KANK4: variants seen among roughly 807,000 people sequenced by gnomAD.
KANK4 encodes the protein KN motif and ankyrin repeat domain-containing protein 4.
In KANK4, 50 loss-of-function variants were observed where a neutral mutation model predicts 80.8. The ratio of observed to expected loss-of-function variants is 0.62; its 90% CI spans 0.49 to 0.78. The LOEUF is 0.78. Ranked by LOEUF, KANK4 falls within the 30% of genes least tolerant of loss-of-function variation. The pLI is 0.00. For missense variants in KANK4, 1,196 were observed against 1,240.1 expected (o/e 0.96, Z 0.53); for synonymous variants, 465 against 506.9 (o/e 0.92, Z 1.11).
At chr1:62,246,054 C>T (rs1671458467) in intron 9 of KANK4, among the ~76,000 whole-genome samples, 1 of 152,114 alleles carries the variant, frequency 6.6e-6, no homozygotes, top group Admixed American at 6.6e-5. Context: ...CCTCCGTCTC[C>T]TTGAGCAAAG....
chr1:62,309,317 T>C (rs1644479638), intron 1 of KANK4, among the ~76,000 whole-genome samples: 1 of 152,142 alleles, frequency 6.6e-6, no homozygotes, highest in African/African-American at 2.4e-5. Flanking sequence ...CCTAATACCA[T>C]CACATTGGGG....
At chr1:62,317,422 T>C (rs1378124242) in intron 1 of KANK4, among the ~76,000 whole-genome samples, 1 of 152,168 alleles carries the variant, frequency 6.6e-6, no homozygotes, top group African/African-American at 2.4e-5. Flanking sequence ...AAGGTGCTAT[T>C]GGTCTATCTC....
rs1307713837 is a variant in KANK4 at position 62,274,425 on chromosome 1, G to C, written c.679C>G (p.Leu227Val). ...GGAGGCTCAGCTCCCTCCTGGACCA[G>C]CTCTGGAATCCGAGTTGATGCTCGT... The part of the protein sequence containing the change: ...SPRASTRIPE[L>V]VQEGAEPPEG... The change falls in exon 3 of 10, where the codon CTG becomes GTG. Residue 227 changes from leucine to valine, a missense_variant. By Grantham distance (32) the Leu-to-Val change is conservative. Coordinates refer to ENST00000371153, the MANE Select transcript of KANK4 (RefSeq NM_181712.5). 1 of 1,614,228 alleles carries C rather than the reference G, an allele frequency of 6.2e-7. No homozygotes were observed. Among genetic ancestry groups the C allele is most frequent in the South Asian group, 1.1e-5 (1 of 91,088 alleles).
At chr1:62,238,501 G>A (rs1472304421) in intron 9 of KANK4, 120 bp from the exon 10 acceptor site, 2 of 729,672 alleles carry the variant, frequency 2.7e-6, no homozygotes, top group African/African-American at 3.5e-5. Context: ...AAGGCTTCCA[G>A]AGACCTCGGT....
intron 3 of KANK4, 57 bp downstream of exon 3, chr1:62,273,147 T>A (rs1200476630): frequency 9.7e-6 from 12 of 1,234,532 alleles, no homozygotes; most frequent in Admixed American, 4.9e-5. Context: ...CCCTCTGCCT[T>A]ATCATGTGAA....
Position 62,266,830 on chromosome 1 carries a change from CA to C in KANK4, c.2232-12del. On this transcript the variant is annotated splice_polypyrimidine_tract_variant and intron_variant, in intron 5 of 9. Transcript: ENST00000371153. ...TCTGAGGGTTTATATCTAAATAAAA[CA>C]AACATATATACACATATTTATATAA... The C allele has an allele frequency of 2.0e-6, 3 of 1,492,934 alleles. No homozygotes were observed. The highest frequency in any genetic ancestry group is 2.8e-6 in the Non-Finnish European group (3 of 1,070,974). 92.5% of individuals were successfully genotyped at this position (1,492,934 alleles called of 1,614,324 possible). A position where few individuals can be genotyped will look rare whatever the true frequency, so the allele number is the denominator to read the frequency against.
chr1:62,306,454 T>C (rs905170511), intron 1 of KANK4, among the ~76,000 whole-genome samples: 3 of 152,218 alleles, frequency 2.0e-5, no homozygotes, highest in African/African-American at 7.2e-5. Flanking sequence ...TATAAGAATA[T>C]GTAGTTACAT....
chr1:62,237,378 T>C lies in KANK4; in HGVS notation c.*899A>G, dbSNP rs1671230050. 6.6e-6 allele frequency: 1 copy of C among 152,122 alleles called. No individual in the cohort carries two copies. The highest frequency in any genetic ancestry group is 1.5e-5 in the Non-Finnish European group (1 of 68,026). 9.4% of individuals were successfully genotyped at this position (152,122 alleles called of 1,614,324 possible). ...GAGGGGAAAGCACCGGGAATTACCATGAGGTAATGGATACGGCTATGCAGG... is the reference window on the plus strand; with the variant it reads ...GAGGGGAAAGCACCGGGAATTACCACGAGGTAATGGATACGGCTATGCAGG... On this transcript the variant is annotated 3_prime_UTR_variant, in exon 10 of 10. Transcript: ENST00000371153.
At chr1:62,247,450 G>T in intron 9 of KANK4, 22 bp downstream of exon 9, 1 of 1,611,124 alleles carries the variant, frequency 6.2e-7, no homozygotes, top group Non-Finnish European at 8.5e-7. Flanking sequence ...ACAGCTACTT[G>T]TTAATTGCCT....
chr1:62,301,983 G>A (rs1010314310), intron 1 of KANK4, among the ~76,000 whole-genome samples: 1 of 152,042 alleles, frequency 6.6e-6, no homozygotes, highest in Non-Finnish European at 1.5e-5. Flanking sequence ...AGACAGTCAT[G>A]CATGGGGAAC....
chr1:62,250,548 G>A (rs1671589428), intron 8 of KANK4, among the ~76,000 whole-genome samples: 1 of 152,150 alleles, frequency 6.6e-6, no homozygotes, highest in Non-Finnish European at 1.5e-5. Context: ...TGAAGGCCCA[G>A]GGGGAGCTAA....
intron 2 of KANK4, among the ~76,000 whole-genome samples, chr1:62,276,305 C>T (rs568668490): frequency 1.3e-5 from 2 of 152,222 alleles, no homozygotes; most frequent in Non-Finnish European, 2.9e-5. Context: ...TGACATTATG[C>T]TAAACAGGCT....
chr1:62,254,545 A>C (rs1177392765), intron 7 of KANK4, among the ~76,000 whole-genome samples: 15 of 146,984 alleles, frequency 1.0e-4, no homozygotes, highest in Non-Finnish European at 1.8e-4. Flanking sequence ...CCCAGCCAAA[A>C]ACCTGGCATT....
chr1:62,286,737 T>C (rs1049542342), intron 1 of KANK4, among the ~76,000 whole-genome samples: 5 of 152,242 alleles, frequency 3.3e-5, no homozygotes, highest in Non-Finnish European at 5.9e-5. Context: ...TGGCTCCGCT[T>C]TAGAAACATC....
intron 9 of KANK4, among the ~76,000 whole-genome samples, chr1:62,245,617 T>C (rs764544906): frequency 1.3e-5 from 2 of 152,226 alleles, no homozygotes; most frequent in African/African-American, 2.4e-5. Context: ...CTTGAATCTC[T>C]GCTCTGCGAA....
chr1:62,272,795 T>TTTC (rs1321086237), intron 3 of KANK4: 1 of 149,244 alleles, frequency 6.7e-6, no homozygotes, highest in African/African-American at 2.5e-5. Flanking sequence ...CTTTTTTTCT[T>TTTC]TTTTTTTTTT....
intron 9 of KANK4, among the ~76,000 whole-genome samples, chr1:62,240,854 C>T (rs947560809): frequency 2.6e-5 from 4 of 152,088 alleles, no homozygotes; most frequent in Admixed American, 6.6e-5. Flanking sequence ...CAGGCACCAC[C>T]GGCCTGACTG....
chr1:62,288,337 A>G (rs1171723189), intron 1 of KANK4, among the ~76,000 whole-genome samples: 2 of 152,256 alleles, frequency 1.3e-5, no homozygotes, highest in South Asian at 4.1e-4. Flanking sequence ...GATGGGGGCT[A>G]GGCCAGAGGG....
intron 6 of KANK4, among the ~76,000 whole-genome samples, chr1:62,265,352 C>T (rs999892119): frequency 6.6e-6 from 1 of 152,004 alleles, no homozygotes; most frequent in African/African-American, 2.4e-5. Flanking sequence ...GCGATTCTCC[C>T]ACCTCAGCCT....
Sources: allele counts gnomAD v4.1 joint callset (sites outside exome capture counted in the v4.1 genomes callset), GRCh38; gene constraint gnomAD v4.1.1; transcripts MANE v1.5; gene names NCBI Gene and HGNC (gene_info 2026-07-23, HGNC 2026-07-21).